Variants in DNAJC13 observed in about 807,000 individuals in gnomAD.
DNAJC13 encodes dnaJ homolog subfamily C member 13.
DNAJC13 carries 75 observed loss-of-function variants against 290.5 expected under a neutral mutation model. The ratio of observed to expected loss-of-function variants is 0.26; its 90% CI spans 0.21 to 0.31. The LOEUF (loss-of-function observed/expected upper bound fraction) is 0.31. DNAJC13 is among the 10% of genes least tolerant of loss of function. DNAJC13 has a pLI of 1.00. For missense variants in DNAJC13, 2,260 were observed against 2,674.5 expected, an observed-to-expected ratio of 0.85 and a Z score of 3.42; for synonymous variants, 862 against 892.0, an observed-to-expected ratio of 0.97 and a Z score of 0.60.
intron 6 of DNAJC13, among the ~76,000 whole-genome samples, chr3:132,451,989 G>A (rs148617125): frequency 6.6e-6 from 1 of 152,232 alleles, no homozygotes; most frequent in Non-Finnish European, 1.5e-5. Context: ...AAAAGATGAA[G>A]GCCCTTCTCC....
intron 27 of DNAJC13, 144 bp downstream of exon 27, chr3:132,482,474 C>T: frequency 1.7e-6 from 1 of 584,936 alleles, no homozygotes; most frequent in Non-Finnish European, 2.9e-6. Context: ...TCAGTTTCCA[C>T]ATGAAAAATG....
intron 55 of DNAJC13, among the ~76,000 whole-genome samples, chr3:132,532,619 TA>T (rs1415206545): frequency 6.6e-6 from 1 of 152,174 alleles, no homozygotes; most frequent in Non-Finnish European, 1.5e-5. Flanking sequence ...ATAGGCAGTA[TA>T]AAAACTTTAC....
At chr3:132,434,035 C>G (rs921320967) in intron 1 of DNAJC13, among the ~76,000 whole-genome samples, 1 of 152,122 alleles carries the variant, frequency 6.6e-6, no homozygotes, top group Non-Finnish European at 1.5e-5. Context: ...ACGGTGAAAT[C>G]CCGTCTCTAC....
At chr3:132,440,442 C>T (rs930283124) in intron 2 of DNAJC13, among the ~76,000 whole-genome samples, 4 of 152,232 alleles carry the variant, frequency 2.6e-5, no homozygotes, top group African/African-American at 7.2e-5. Flanking sequence ...AAGTACTTTA[C>T]ATGGATTATT....
intron 20 of DNAJC13, among the ~76,000 whole-genome samples, chr3:132,469,562 A>G (rs1436178868): frequency 6.6e-6 from 1 of 152,158 alleles, no homozygotes; most frequent in African/African-American, 2.4e-5. Context: ...ATTACTCTGG[A>G]CTGCCAGCCT....
chr3:132,525,167 G>A (rs1426580350), intron 51 of DNAJC13, among the ~76,000 whole-genome samples: 8 of 152,008 alleles, frequency 5.3e-5, no homozygotes, highest in East Asian at 1.9e-4. Flanking sequence ...GAGAAACCCC[G>A]TCTCTACTAA....
intron 43 of DNAJC13, among the ~76,000 whole-genome samples, chr3:132,509,760 G>C (rs1001368951): frequency 1.3e-5 from 2 of 152,186 alleles, no homozygotes; most frequent in African/African-American, 2.4e-5. Flanking sequence ...AGATTGACTT[G>C]CTGAAGGCTC....
At position 132,488,463 on chromosome 3, in the gene DNAJC13, T is replaced by G; in HGVS notation, c.3422+11T>G. On this transcript the variant is annotated intron_variant, in intron 30 of 55. Transcript: ENST00000260818. Reference sequence around the variant, plus strand: ...GCTTCCTGTTGCTCGGTAAGAACTTTAAGGGTAATCTATTTAAAAGTATTA... The same window carrying G: ...GCTTCCTGTTGCTCGGTAAGAACTTGAAGGGTAATCTATTTAAAAGTATTA... The G allele has an allele frequency of 1.2e-6, 2 of 1,600,248 alleles. No homozygotes were observed. The highest frequency in any genetic ancestry group is 1.7e-6 in the Non-Finnish European group (2 of 1,174,180).
At chr3:132,422,676 A>G (rs1938993437) in intron 1 of DNAJC13, among the ~76,000 whole-genome samples, 1 of 152,230 alleles carries the variant, frequency 6.6e-6, no homozygotes, top group African/African-American at 2.4e-5. Flanking sequence ...GGTTATGATC[A>G]TCTTTGCTAA....
At chr3:132,514,904 T>A (rs755266086) in intron 46 of DNAJC13, 21 of 133,078 alleles carry the variant, frequency 1.6e-4, no homozygotes, top group Non-Finnish European at 2.6e-4. Context: ...GAAAATAACC[T>A]GGGATTTTCA....
At chr3:132,529,367 T>A (rs567925466) in intron 54 of DNAJC13, among the ~76,000 whole-genome samples, 1 of 152,342 alleles carries the variant, frequency 6.6e-6, no homozygotes, top group African/African-American at 2.4e-5. Flanking sequence ...CCTACTAATG[T>A]TCCATAGGTT....
At chr3:132,469,817 T>C (rs1473599978) in intron 20 of DNAJC13, among the ~76,000 whole-genome samples, 1 of 151,814 alleles carries the variant, frequency 6.6e-6, no homozygotes, top group Admixed American at 6.5e-5. Context: ...CTATGTCGTC[T>C]AGTCTGGGGT....
chr3:132,448,320 T>C (rs527816227), intron 5 of DNAJC13, among the ~76,000 whole-genome samples: 8 of 152,296 alleles, frequency 5.3e-5, no homozygotes, highest in Admixed American at 5.2e-4. Context: ...TTCAGAAATA[T>C]TCAAGTTTTA....
At chr3:132,430,006 C>G (rs559727368) in intron 1 of DNAJC13, among the ~76,000 whole-genome samples, 1 of 152,284 alleles carries the variant, frequency 6.6e-6, no homozygotes, top group Non-Finnish European at 1.5e-5. Context: ...AACTGAAGTA[C>G]TACTACTTTC....
intron 55 of DNAJC13, among the ~76,000 whole-genome samples, chr3:132,531,762 A>C (rs1378761654): frequency 6.6e-6 from 1 of 151,534 alleles, no homozygotes; most frequent in Non-Finnish European, 1.5e-5. Context: ...GCGCCACTGC[A>C]CTCCAGCCTG....
In DNAJC13 at chr3:132,432,469, T is replaced by TG. The variant is rs1455572107; in HGVS notation, c.-13-2068dup. Among the ~76,000 whole-genome samples the TG allele has an allele frequency of 1.1e-4, 16 of 152,270 alleles. No homozygotes were observed. In the South Asian group the frequency reaches 2.9e-3, roughly 28 times the overall value. On this transcript the variant is annotated intron_variant, in intron 1 of 55. Transcript: ENST00000260818. ...ATCCACCTATGTCAGCCTCCCAAAA[T>TG]GCTAGGATTACAGGCATGAGCCACC...
Position 132,483,440 on chromosome 3 carries a change from T to A in DNAJC13, c.3045T>A (p.Asp1015Glu). 2 of 1,614,172 alleles carry A rather than the reference T, an allele frequency of 1.2e-6. No individual in the cohort carries two copies. The highest frequency in any genetic ancestry group is 1.1e-5 in the South Asian group (1 of 91,080). The change falls in exon 28 of 56, where the codon GAT (aspartate) becomes GAA (glutamate). Residue 1015 changes from aspartate to glutamate, a missense_variant. Coordinates refer to ENST00000260818, the MANE Select transcript of DNAJC13 (RefSeq NM_015268.4). ...CCAGATGCTGGGCTCAAGGCATGGATGGATGGCGACCACTTCAGTCCATAC... is the reference window on the plus strand; with the variant it reads ...CCAGATGCTGGGCTCAAGGCATGGAAGGATGGCGACCACTTCAGTCCATAC... ...AKTRCWAQGM[D>E]GWRPLQSIPQ...
At chr3:132,518,711 T>A (rs1209770509) in intron 48 of DNAJC13, among the ~76,000 whole-genome samples, 1 of 152,150 alleles carries the variant, frequency 6.6e-6, no homozygotes, top group Non-Finnish European at 1.5e-5. Context: ...ATCATTGACA[T>A]ACCATACAGT....
rs75643663 is a variant in DNAJC13 at position 132,499,423 on chromosome 3, A to G, written c.4341+113A>G. 4,612 of 931,962 alleles carry G rather than the reference A, an allele frequency of 4.9e-3. 242 individuals are homozygous for G. The East Asian group carries it at 0.11, about 22-fold the overall frequency. The allele number at this position is 931,962 out of a possible 1,614,324, so 57.7% of individuals were successfully genotyped here. A position where few individuals can be genotyped will look rare whatever the true frequency, so the allele number is the denominator to read the frequency against. ...CAGATTCTTTAATTTATTTCAGCAG[A>G]TAACACAATATTTTCCATATTCTTA... is the stretch of plus-strand genomic sequence containing the variant. On this transcript the variant is annotated intron_variant, in intron 37 of 55. Transcript: ENST00000260818.
Sources: gnomAD v4.1 joint callset for allele counts (sites outside exome capture counted in the v4.1 genomes callset) on GRCh38, gnomAD v4.1.1 for gene constraint, MANE v1.5 for transcripts, NCBI Gene and HGNC (gene_info 2026-07-23, HGNC 2026-07-21) for gene names.